The following DOCK4 variants were observed in gnomAD, a reference collection of about 807,000 sequenced individuals.
DOCK4 encodes the protein dedicator of cytokinesis 4.
A neutral mutation model predicts 268.1 loss-of-function variants in DOCK4; 97 were observed. That is an observed-to-expected ratio of 0.36 (90% confidence interval 0.31 to 0.43). DOCK4 has a LOEUF of 0.43. Ranked by LOEUF, DOCK4 falls within the 20% of genes least tolerant of loss-of-function variation. The probability of loss-of-function intolerance (pLI) is 1.00; values close to 1 mark genes in which losing one functional copy is unlikely to be tolerated. For missense variants in DOCK4, 2,145 were observed against 2,455.7 expected (o/e 0.87, Z 2.67); for synonymous variants, 954 against 887.2 (o/e 1.08, Z -1.34).
chr7:111,881,632 G>C (rs1807400502), intron 16 of DOCK4, among the ~76,000 whole-genome samples: 2 of 152,316 alleles, frequency 1.3e-5, no homozygotes, highest in Non-Finnish European at 1.5e-5. Flanking sequence ...TTCCATGTTT[G>C]TTGTGTAGCA....
rs991041070 is a variant in DOCK4 at position 112,154,865 on chromosome 7, C to T, written c.37+51237G>A. ...CGGGCATGCAATAGCGGGGAGCATTCTTCAGGAGCTCTGGCCTGACACAAT... is the reference window on the plus strand; with the variant it reads ...CGGGCATGCAATAGCGGGGAGCATTTTTCAGGAGCTCTGGCCTGACACAAT... On this transcript the variant is annotated intron_variant, in intron 1 of 52. Coordinates refer to ENST00000428084, the MANE Select transcript of DOCK4 (RefSeq NM_001363540.2). Among the ~76,000 whole-genome samples, 14 of 152,284 alleles carry T rather than the reference C, an allele frequency of 9.2e-5. 1 individual carries two copies. The East Asian group carries it at 1.5e-3, about 17-fold the overall frequency.
At chr7:111,911,506 A>T (rs1247942078) in intron 13 of DOCK4, among the ~76,000 whole-genome samples, 1 of 152,188 alleles carries the variant, frequency 6.6e-6, no homozygotes, top group Non-Finnish European at 1.5e-5. Flanking sequence ...AAGTGCTTTT[A>T]AAAAAACCTC....
chr7:112,130,829 T>C (rs569858677), intron 1 of DOCK4, among the ~76,000 whole-genome samples: 1 of 152,222 alleles, frequency 6.6e-6, no homozygotes, highest in Admixed American at 6.5e-5. Context: ...TTGTTCACTG[T>C]GGCAGTAAAA....
intron 28 of DOCK4, among the ~76,000 whole-genome samples, chr7:111,811,150 A>G (rs1000962902): frequency 6.6e-6 from 1 of 152,366 alleles, no homozygotes; most frequent in Admixed American, 6.5e-5. Flanking sequence ...ACTATAAGCT[A>G]TGACATAGAC....
At chr7:111,750,074 A>G (rs1796532347) in intron 42 of DOCK4, among the ~76,000 whole-genome samples, 1 of 152,224 alleles carries the variant, frequency 6.6e-6, no homozygotes, top group East Asian at 1.9e-4. Context: ...ATTGTTCACC[A>G]CTAAAATGAA....
chr7:112,044,536 A>G (rs1804663456), intron 1 of DOCK4, among the ~76,000 whole-genome samples: 1 of 152,062 alleles, frequency 6.6e-6, no homozygotes, highest in Non-Finnish European at 1.5e-5. Flanking sequence ...CTCTTACTCT[A>G]AACTCATAAA....
intron 36 of DOCK4, 106 bp from the exon 37 acceptor site, chr7:111,769,783 A>T: frequency 7.4e-7 from 1 of 1,357,374 alleles, no homozygotes; most frequent in Non-Finnish European, 9.9e-7. Context: ...CTATTTTCTA[A>T]ATTTCGTGAT....
At chr7:111,775,715 A>C (rs1798401492) in intron 36 of DOCK4, among the ~76,000 whole-genome samples, 1 of 152,208 alleles carries the variant, frequency 6.6e-6, no homozygotes, top group Admixed American at 6.5e-5. Flanking sequence ...GGCCTCACTC[A>C]GTCTCAGAAA....
At position 112,168,735 on chromosome 7, in the gene DOCK4, A is replaced by G. The variant is rs144648483; in HGVS notation, c.37+37367T>C. On this transcript the variant is annotated intron_variant, in intron 1 of 52. Coordinates refer to ENST00000428084, the MANE Select transcript of DOCK4 (RefSeq NM_001363540.2). Reference sequence around the variant, plus strand: ...CTCAAAAAACATAGAGTTAAGTAACATAAGGACTTAGGTCAGGTGAACGCT... The same window carrying G: ...CTCAAAAAACATAGAGTTAAGTAACGTAAGGACTTAGGTCAGGTGAACGCT... 1.7e-3 allele frequency among the ~76,000 whole-genome samples: 265 copies of G among 152,306 alleles called. 1 individual carries two copies. Among genetic ancestry groups the G allele is most frequent in the African/African-American group, 6.1e-3 (253 of 41,558 alleles).
chr7:111,823,019 C>T (rs945608758), intron 26 of DOCK4, among the ~76,000 whole-genome samples: 3 of 152,082 alleles, frequency 2.0e-5, no homozygotes, highest in African/African-American at 7.2e-5. Flanking sequence ...GTGCACAATA[C>T]ATTCAAATGA....
At chr7:112,128,777 C>T (rs1427011349) in intron 1 of DOCK4, among the ~76,000 whole-genome samples, 16 of 151,888 alleles carry the variant, frequency 1.1e-4, no homozygotes, top group Admixed American at 4.6e-4. Context: ...ACAAACACTG[C>T]GGAAGGCCGC....
At chr7:111,749,794 A>ATTAT (rs918346609) in intron 42 of DOCK4, among the ~76,000 whole-genome samples, 3 of 152,222 alleles carry the variant, frequency 2.0e-5, no homozygotes, top group Non-Finnish European at 2.9e-5. Flanking sequence ...ATTTTGGTCT[A>ATTAT]TTATTTGGAA....
chr7:111,901,883 T>A, intron 13 of DOCK4, 82 bp from the exon 14 acceptor site: 1 of 1,023,306 alleles, frequency 9.8e-7, no homozygotes, highest in Non-Finnish European at 1.4e-6. Flanking sequence ...AAACTTTAGT[T>A]TATACAATAT....
chr7:111,899,289 G>C (rs1181052796), intron 15 of DOCK4, among the ~76,000 whole-genome samples: 1 of 152,124 alleles, frequency 6.6e-6, no homozygotes, highest in African/African-American at 2.4e-5. Flanking sequence ...CAAATCTTTT[G>C]GCAAAGCCCC....
chr7:111,888,612 T>G (rs1463539396), intron 16 of DOCK4, among the ~76,000 whole-genome samples: 1 of 151,908 alleles, frequency 6.6e-6, no homozygotes, highest in African/African-American at 2.4e-5. Flanking sequence ...AGAGTTGAAG[T>G]GGCCAAGAAA....
chr7:112,014,096 C>A (rs773384104), intron 1 of DOCK4, among the ~76,000 whole-genome samples: 7 of 152,162 alleles, frequency 4.6e-5, no homozygotes, highest in Non-Finnish European at 7.4e-5. Flanking sequence ...TTGTGCTAGG[C>A]ACTGGGAATA....
rs138126597 is a variant in DOCK4 at position 111,837,787 on chromosome 7, T to G, written c.2737-3101A>C. On this transcript the variant is annotated intron_variant, in intron 25 of 52. Coordinates refer to ENST00000428084, the MANE Select transcript of DOCK4 (RefSeq NM_001363540.2). ...GTTCATGGATTGGGAAATGCAATATTGTTAAGATGTCAATTTTGGCTGGGC... is the reference window on the plus strand; with the variant it reads ...GTTCATGGATTGGGAAATGCAATATGGTTAAGATGTCAATTTTGGCTGGGC... 1.5e-3 allele frequency among the ~76,000 whole-genome samples: 225 copies of G among 152,202 alleles called. 3 individuals carry two copies. Among genetic ancestry groups the G allele is most frequent in the African/African-American group, 5.2e-3 (218 of 41,536 alleles).
At chr7:111,773,811 G>C (rs1301260276) in intron 36 of DOCK4, among the ~76,000 whole-genome samples, 6 of 151,702 alleles carry the variant, frequency 4.0e-5, no homozygotes, top group Non-Finnish European at 8.8e-5. Flanking sequence ...GAGCTTAGGA[G>C]TTCGAGACTA....
chr7:111,960,980 C>A lies in DOCK4; in HGVS notation c.702-15182G>T, dbSNP rs138188293. Among the ~76,000 whole-genome samples the A allele has an allele frequency of 4.1e-3, 626 of 152,256 alleles. 6 individuals carry two copies. The highest frequency in any genetic ancestry group is 0.015 in the African/African-American group (604 of 41,554). On this transcript the variant is annotated intron_variant, in intron 8 of 52. Transcript: ENST00000428084. Reference sequence around the variant, plus strand: ...ATCTTAGCTATTGTCAATAGTGCTGCAGTCAACATGGAAGTGCAGATATCT... The same window carrying A: ...ATCTTAGCTATTGTCAATAGTGCTGAAGTCAACATGGAAGTGCAGATATCT...
Sources: gnomAD v4.1 joint callset for allele counts (sites outside exome capture counted in the v4.1 genomes callset) on GRCh38, gnomAD v4.1.1 for gene constraint, MANE v1.5 for transcripts, NCBI Gene and HGNC (gene_info 2026-07-23, HGNC 2026-07-21) for gene names.